CDKAL1: variants seen among roughly 807,000 people sequenced by gnomAD.
CDKAL1 encodes the protein CDKAL1 threonylcarbamoyladenosine tRNA methylthiotransferase, also known as threonylcarbamoyladenosine tRNA methylthiotransferase.
A neutral mutation model predicts 68.2 loss-of-function variants in CDKAL1; 32 were observed. The ratio of observed to expected loss-of-function variants is 0.47; its 90% CI spans 0.35 to 0.63. The LOEUF is 0.63. Among genes scored for constraint, CDKAL1 ranks in the 30% least tolerant of loss-of-function variants. CDKAL1 has a pLI of 0.00. For synonymous variants in CDKAL1, 234 were observed against 244.3 expected (o/e 0.96, Z 0.39); for missense variants, 606 against 696.7 (o/e 0.87, Z 1.47).
At chr6:20,778,015 G>C (rs995019951) in intron 7 of CDKAL1, among the ~76,000 whole-genome samples, 15 of 152,126 alleles carry the variant, frequency 9.9e-5, no homozygotes, top group African/African-American at 3.4e-4. Context: ...GTATATAACT[G>C]TATATGTTAA....
At chr6:21,104,955 C>T (rs1206778723) in intron 12 of CDKAL1, among the ~76,000 whole-genome samples, 2 of 152,228 alleles carry the variant, frequency 1.3e-5, no homozygotes, top group Non-Finnish European at 2.9e-5. Flanking sequence ...TGATAAGCCT[C>T]AGTTCTTGGG....
At chr6:20,676,707 T>G (rs1770130054) in intron 5 of CDKAL1, among the ~76,000 whole-genome samples, 1 of 145,164 alleles carries the variant, frequency 6.9e-6, no homozygotes, top group Non-Finnish European at 1.5e-5. Context: ...ATAAATAAAA[T>G]AAAATAAAAT....
intron 4 of CDKAL1, among the ~76,000 whole-genome samples, chr6:20,566,306 T>G (rs2127673047): frequency 6.6e-6 from 1 of 152,266 alleles, no homozygotes; most frequent in South Asian, 2.1e-4. Context: ...TCATGACCCT[T>G]CTGTGTGGCC....
chr6:21,084,323 A>T (rs1278342842), intron 12 of CDKAL1, among the ~76,000 whole-genome samples: 1 of 152,202 alleles, frequency 6.6e-6, no homozygotes, highest in African/African-American at 2.4e-5. Flanking sequence ...GGAGCAACTA[A>T]AGTTGGAAAG....
intron 8 of CDKAL1, among the ~76,000 whole-genome samples, chr6:20,838,140 A>G (rs1358983810): frequency 1.3e-5 from 2 of 152,116 alleles, no homozygotes; most frequent in Non-Finnish European, 2.9e-5. Context: ...ACTTTATGGT[A>G]TATTAGGAAT....
At chr6:20,811,362 G>A (rs1776808939) in intron 8 of CDKAL1, among the ~76,000 whole-genome samples, 1 of 152,174 alleles carries the variant, frequency 6.6e-6, no homozygotes, top group East Asian at 1.9e-4. Flanking sequence ...AGACGCTGAG[G>A]TCATTCCCAG....
At chr6:20,626,036 C>T (rs555783022) in intron 4 of CDKAL1, among the ~76,000 whole-genome samples, 14 of 152,248 alleles carry the variant, frequency 9.2e-5, no homozygotes, top group African/African-American at 2.4e-5. Context: ...GAGGGTCCCA[C>T]GGATGTGAAT....
intron 9 of CDKAL1, among the ~76,000 whole-genome samples, chr6:20,855,930 G>A (rs901874324): frequency 3.3e-5 from 5 of 152,162 alleles, no homozygotes; most frequent in African/African-American, 4.8e-5. Context: ...TCAGCGAGAC[G>A]TTTGGTTTGA....
intron 9 of CDKAL1, among the ~76,000 whole-genome samples, chr6:20,940,122 T>A (rs954890372): frequency 2.6e-5 from 4 of 152,192 alleles, no homozygotes; most frequent in Non-Finnish European, 4.4e-5. Flanking sequence ...ACAAAATGAT[T>A]GTTGTACAGT....
At chr6:20,862,015 A>G (rs902279444) in intron 9 of CDKAL1, among the ~76,000 whole-genome samples, 1 of 152,234 alleles carries the variant, frequency 6.6e-6, no homozygotes, top group Non-Finnish European at 1.5e-5. Context: ...ATGCAGCCAG[A>G]CATATTTTGT....
intron 5 of CDKAL1, among the ~76,000 whole-genome samples, chr6:20,735,036 T>C (rs998641751): frequency 1.3e-5 from 2 of 151,886 alleles, no homozygotes; most frequent in Non-Finnish European, 2.9e-5. Context: ...GCCCGGCTAA[T>C]TTTTTTGTAT....
chr6:21,054,776 G>A (rs1770738385), intron 11 of CDKAL1, among the ~76,000 whole-genome samples: 1 of 151,652 alleles, frequency 6.6e-6, no homozygotes, highest in African/African-American at 2.4e-5. Context: ...TTCATTACTA[G>A]TATAAAAAAT....
rs143866424 is a variant in CDKAL1 at position 20,840,304 on chromosome 6, G to A, written c.639-5771G>A. ...CTCCCCTCAAACTATTTTAAAGATTGTGATGATTTTTTACAGGGATTGAGA... is the reference window on the plus strand; with the variant it reads ...CTCCCCTCAAACTATTTTAAAGATTATGATGATTTTTTACAGGGATTGAGA... On this transcript the variant is annotated intron_variant, in intron 8 of 15. Transcript: ENST00000274695. 4.0e-4 allele frequency among the ~76,000 whole-genome samples: 61 copies of A among 152,264 alleles called. 1 individual carries two copies. In the East Asian group the frequency reaches 9.5e-3, roughly 24 times the overall value.
intron 5 of CDKAL1, among the ~76,000 whole-genome samples, chr6:20,682,118 T>G (rs1770405832): frequency 6.6e-6 from 1 of 152,166 alleles, no homozygotes; most frequent in Non-Finnish European, 1.5e-5. Flanking sequence ...TGTCCTAATA[T>G]CACATTGGTG....
intron 11 of CDKAL1, among the ~76,000 whole-genome samples, chr6:21,051,369 G>T (rs1582099789): frequency 6.6e-6 from 1 of 152,060 alleles, no homozygotes; most frequent in African/African-American, 2.4e-5. Context: ...GTGAGACCAT[G>T]TCTCAAAAAA....
rs1174669318 is a variant in CDKAL1, at chr6:21,205,691, C to T, written c.1548+4417C>T. ...GACCACAGGAACCCGCCACCACGCC[C>T]AGCTAATTGTTTTGTATTTTTAGTA... On this transcript the variant is annotated intron_variant, in intron 15 of 15. Coordinates refer to ENST00000274695, the MANE Select transcript of CDKAL1 (RefSeq NM_017774.3). Among the ~76,000 whole-genome samples the T allele has an allele frequency of 9.3e-5, 14 of 150,988 alleles. No homozygotes were observed. In the East Asian group the frequency reaches 2.1e-3, roughly 23 times the overall value.
intron 12 of CDKAL1, among the ~76,000 whole-genome samples, chr6:21,071,685 T>A (rs967919170): frequency 6.6e-6 from 1 of 152,222 alleles, no homozygotes; most frequent in Non-Finnish European, 1.5e-5. Context: ...GTTTATTTTT[T>A]AAAAACCTGT....
At chr6:20,853,861 C>G (rs1005018910) in intron 9 of CDKAL1, among the ~76,000 whole-genome samples, 4 of 152,118 alleles carry the variant, frequency 2.6e-5, no homozygotes, top group African/African-American at 7.2e-5. Flanking sequence ...AGGAAAAACC[C>G]TGGTTGATTA....
In CDKAL1 at chr6:20,824,748, G is replaced by A. The variant is rs144056755; in HGVS notation, c.639-21327G>A. Among the ~76,000 whole-genome samples the A allele has an allele frequency of 2.3e-3, 355 of 152,282 alleles. 2 individuals carry two copies. The highest frequency in any genetic ancestry group is 6.0e-3 in the Admixed American group (92 of 15,286). On this transcript the variant is annotated intron_variant, in intron 8 of 15. Transcript: ENST00000274695. ...AGCAAGTTACAGATCCTGCCTACAC[G>A]TAGGGGGAAAGGATTCCGCAAGGGC... is the stretch of plus-strand genomic sequence containing the variant.
Sources: gnomAD v4.1 joint callset for allele counts (sites outside exome capture counted in the v4.1 genomes callset) on GRCh38, gnomAD v4.1.1 for gene constraint, MANE v1.5 for transcripts, NCBI Gene and HGNC (gene_info 2026-07-23, HGNC 2026-07-21) for gene names.